EIF4G3: variants seen among roughly 807,000 people sequenced by gnomAD.
EIF4G3 encodes eIF-4-gamma 3.
Under a neutral mutation model 186.4 loss-of-function variants are expected in EIF4G3, and 34 were observed. The observed-to-expected ratio is 0.18, with a 90% CI of 0.14 to 0.24. EIF4G3 has a LOEUF of 0.24. Ranked by LOEUF, EIF4G3 falls within the 10% of genes least tolerant of loss-of-function variation. The pLI, the probability that EIF4G3 is intolerant of heterozygous loss-of-function variation, is 1.00. For missense variants in EIF4G3, 1,536 were observed against 1,948.5 expected (o/e 0.79, Z 3.99); for synonymous variants, 673 against 679.5 (o/e 0.99, Z 0.15).
intron 13 of EIF4G3, among the ~76,000 whole-genome samples, chr1:20,945,272 T>C (rs748082126): frequency 2.6e-5 from 4 of 152,040 alleles, no homozygotes; most frequent in African/African-American, 9.7e-5. Context: ...CAAAGATAGA[T>C]GTCTAGAATA....
rs558241505 is a variant in EIF4G3 at position 21,034,505 on chromosome 1, C to T, written c.-67+16361G>A. On this transcript the variant is annotated intron_variant, in intron 4 of 36. Transcript: ENST00000602326. ...CATTCAACAGCTGTATTTGTGATGCCATTCTATCAACCAAACTCTAAAAAT... is the reference window on the plus strand; with the variant it reads ...CATTCAACAGCTGTATTTGTGATGCTATTCTATCAACCAAACTCTAAAAAT... 7.9e-5 allele frequency among the ~76,000 whole-genome samples: 12 copies of T among 152,298 alleles called. No individual in the cohort carries two copies. The South Asian group carries it at 2.1e-3, about 26-fold the overall frequency.
intron 7 of EIF4G3, among the ~76,000 whole-genome samples, chr1:20,993,226 C>T (rs1004597159): frequency 1.3e-5 from 2 of 152,058 alleles, no homozygotes; most frequent in Non-Finnish European, 2.9e-5. Flanking sequence ...TTTGTGGGGA[C>T]TCAAAAAGAG....
chr1:20,974,901 G>A (rs189518315), intron 10 of EIF4G3, among the ~76,000 whole-genome samples: 3 of 152,142 alleles, frequency 2.0e-5, no homozygotes, highest in Non-Finnish European at 2.9e-5. Context: ...AAATATGTAC[G>A]AGGGTAGTTC....
intron 30 of EIF4G3, among the ~76,000 whole-genome samples, chr1:20,837,865 A>G (rs1401347853): frequency 1.3e-5 from 2 of 152,102 alleles, no homozygotes; most frequent in African/African-American, 4.8e-5. Context: ...GTGGCACTAA[A>G]TTGTCAGGCC....
chr1:20,824,476 A>C (rs1422252456), intron 33 of EIF4G3, among the ~76,000 whole-genome samples: 1 of 151,838 alleles, frequency 6.6e-6, no homozygotes, highest in Non-Finnish European at 1.5e-5. Flanking sequence ...ACGTTTTGAG[A>C]GAGTTTTGTT....
chr1:20,933,280 G>A (rs553039035), intron 14 of EIF4G3, among the ~76,000 whole-genome samples: 2 of 152,252 alleles, frequency 1.3e-5, no homozygotes, highest in African/African-American at 4.8e-5. Context: ...GAAATGACAA[G>A]CATCCACACC....
chr1:20,986,744 C>CAAAAAAAAAAAAAA (rs61255473), intron 7 of EIF4G3, among the ~76,000 whole-genome samples: 10 of 66,316 alleles, frequency 1.5e-4, no homozygotes, highest in African/African-American at 2.0e-4. Flanking sequence ...GCTCTGTCTC[C>CAAAAAAAAAAAAAA]AAAAAAAAAA....
intron 4 of EIF4G3, among the ~76,000 whole-genome samples, chr1:21,006,817 T>C (rs908917548): frequency 1.3e-5 from 2 of 152,194 alleles, no homozygotes; most frequent in African/African-American, 2.4e-5. Context: ...TTTCAAACCA[T>C]AGACATGTGA....
chr1:21,009,123 C>G (rs2086193923), intron 4 of EIF4G3, among the ~76,000 whole-genome samples: 1 of 152,108 alleles, frequency 6.6e-6, no homozygotes. Context: ...CTTAATTTTG[C>G]TTTAAAATTT....
At chr1:20,993,923 A>T (rs1410335506) in intron 7 of EIF4G3, among the ~76,000 whole-genome samples, 3 of 152,164 alleles carry the variant, frequency 2.0e-5, no homozygotes, top group African/African-American at 7.2e-5. Context: ...CTGTATTATG[A>T]GCAACTCCTC....
intron 13 of EIF4G3, among the ~76,000 whole-genome samples, chr1:20,943,620 T>A (rs2095804848): frequency 6.6e-6 from 1 of 152,202 alleles, no homozygotes; most frequent in Non-Finnish European, 1.5e-5. Context: ...TCAAGCACTA[T>A]TAAAAGACAA....
At chr1:20,819,921 G>A (rs1377421010) in intron 33 of EIF4G3, among the ~76,000 whole-genome samples, 1 of 152,098 alleles carries the variant, frequency 6.6e-6, no homozygotes, top group Non-Finnish European at 1.5e-5. Flanking sequence ...AGAGGAGACA[G>A]AGAGACTGGA....
intron 20 of EIF4G3, among the ~76,000 whole-genome samples, chr1:20,865,519 A>G (rs982996310): frequency 6.6e-6 from 1 of 152,082 alleles, no homozygotes; most frequent in Non-Finnish European, 1.5e-5. Flanking sequence ...AACCCTTGTC[A>G]TATCATTGCA....
Position 20,813,206 on chromosome 1 carries a change from T to G in EIF4G3, c.4549A>C (p.Thr1517Pro). The G allele has an allele frequency of 2.5e-6, 4 of 1,613,832 alleles. No individual in the cohort carries two copies. The highest frequency in any genetic ancestry group is 3.4e-6 in the Non-Finnish European group (4 of 1,179,834). The part of the protein sequence containing the change: ...NLDEIQMSSP[T>P]FLRALMTAVC... ...GCAGTCATTAAAGCTCTAAGGAATG[T>G]AGGTGAACTCATCTGGATTTCGTCT... Residue 1517 changes from threonine to proline, a missense_variant, in exon 35 of 37, where the codon ACA (threonine) becomes CCA (proline). Thr to Pro is a conservative substitution (Grantham distance 38). This residue lies in a region of EIF4G3 where 395 missense variants were observed against 498.9 expected (regional missense o/e 0.79). Transcript: ENST00000602326.
At chr1:20,949,160 C>A (rs979630630) in intron 13 of EIF4G3, among the ~76,000 whole-genome samples, 1 of 151,922 alleles carries the variant, frequency 6.6e-6, no homozygotes, top group African/African-American at 2.4e-5. Flanking sequence ...CTTGCTTCCC[C>A]GAACTATGTT....
Position 20,849,548 on chromosome 1 carries a change from C to G in EIF4G3, c.3773-18G>C. 1 of 1,273,448 alleles carries G rather than the reference C, an allele frequency of 7.9e-7. No homozygotes were observed. The highest frequency in any genetic ancestry group is 1.1e-6 in the Non-Finnish European group (1 of 925,208). The allele number at this position is 1,273,448 out of a possible 1,614,324, so 78.9% of individuals were successfully genotyped here. ...TGGTTTTGCTATTAGTGAGGCCCCC[C>G]AAAAAAAGTAAAAATAATAAAAATT... On this transcript the variant is annotated intron_variant, in intron 28 of 36. Transcript: ENST00000602326.
At chr1:20,915,326 T>C (rs1422267370) in intron 14 of EIF4G3, among the ~76,000 whole-genome samples, 1 of 152,144 alleles carries the variant, frequency 6.6e-6, no homozygotes, top group East Asian at 1.9e-4. Flanking sequence ...ACACCAACTT[T>C]CCCAGAATAT....
chr1:21,159,331 T>A lies in EIF4G3; in HGVS notation c.-272+16844A>T, dbSNP rs545992442. On this transcript the variant is annotated intron_variant, in intron 2 of 36. Transcript: ENST00000602326. ...GGTGTGTGCCTGTAGTCCCAGCTAC[T>A]TAGGAGGCTAAAATGGGAGGATCCC... Among the ~76,000 whole-genome samples the A allele has an allele frequency of 3.3e-4, 50 of 152,030 alleles. 1 individual carries two copies. The South Asian group carries it at 0.01, about 32-fold the overall frequency.
At chr1:21,039,620 C>T (rs1288927007) in intron 4 of EIF4G3, among the ~76,000 whole-genome samples, 2 of 152,172 alleles carry the variant, frequency 1.3e-5, no homozygotes, top group Admixed American at 1.3e-4. Flanking sequence ...TTATTTCCAA[C>T]ACCCTGAACT....
Sources: gnomAD v4.1 joint callset for allele counts (sites outside exome capture counted in the v4.1 genomes callset) on GRCh38, gnomAD v4.1.1 for gene constraint, gnomAD v4.1.1 regional missense constraint, MANE v1.5 for transcripts, NCBI Gene and HGNC (gene_info 2026-07-23, HGNC 2026-07-21) for gene names.